BLTP1: variants seen among roughly 807,000 people sequenced by gnomAD.
The protein encoded by BLTP1 is bridge-like lipid transfer protein family member 1, also known as fragile site-associated protein.
At chr4:122,328,225 C>T in the BLTP1 span, 1 of 1,611,374 alleles carries the variant, frequency 6.2e-7, no homozygotes, top group Non-Finnish European at 8.5e-7. Context: ...GGAGGCTTTT[C>T]ACCAGGCATT....
At chr4:122,249,820 C>T in the BLTP1 span, 1 of 1,417,508 alleles carries the variant, frequency 7.1e-7, no homozygotes, top group African/African-American at 1.4e-5. Flanking sequence ...GGATTATTTA[C>T]CGGGGGTGAG....
the BLTP1 span, chr4:122,298,580 C>T: frequency 1.2e-6 from 1 of 832,548 alleles, no homozygotes; most frequent in Non-Finnish European, 1.4e-6. Context: ...ACTTTAAAAA[C>T]ATATGACCCC....
At chr4:122,251,916 C>T in the BLTP1 span, among the ~76,000 whole-genome samples, 1 of 152,192 alleles carries the variant, frequency 6.6e-6, no homozygotes, top group African/African-American at 2.4e-5. Flanking sequence ...ACACCTTTAG[C>T]ACCAGCTCTT....
the BLTP1 span, among the ~76,000 whole-genome samples, chr4:122,173,911 A>T: frequency 6.6e-6 from 1 of 152,186 alleles, no homozygotes. Context: ...TTCATGTTCA[A>T]TGTAGTTTTG....
the BLTP1 span, chr4:122,224,641 G>C: frequency 6.2e-7 from 1 of 1,613,928 alleles, no homozygotes; most frequent in Non-Finnish European, 8.5e-7. Flanking sequence ...TTGATGTGCA[G>C]GCTGGAAGTC....
the BLTP1 span, among the ~76,000 whole-genome samples, chr4:122,287,035 T>C: frequency 6.6e-6 from 1 of 152,198 alleles, no homozygotes; most frequent in African/African-American, 2.4e-5. Flanking sequence ...GTATTCCATC[T>C]CTGCAATATT....
At chr4:122,319,464 G>A in the BLTP1 span, among the ~76,000 whole-genome samples, 32,808 of 149,322 alleles carry the variant, frequency 0.22, 3,841 homozygotes, top group African/African-American at 0.29. Context: ...TTCAACTCAT[G>A]TTCAGGTATC....
the BLTP1 span, chr4:122,268,990 A>C: frequency 3.0e-6 from 1 of 336,554 alleles, no homozygotes; most frequent in Non-Finnish European, 4.2e-6. Flanking sequence ...GTATCGCCTT[A>C]TTGGGAGACT....
the BLTP1 span, chr4:122,351,167 G>A: frequency 2.3e-6 from 1 of 425,998 alleles, no homozygotes; most frequent in African/African-American, 2.2e-5. Flanking sequence ...GATGATAGAG[G>A]TGTAAGTGGT....
At chr4:122,253,246 C>T in the BLTP1 span, among the ~76,000 whole-genome samples, 1 of 152,120 alleles carries the variant, frequency 6.6e-6, no homozygotes, top group Non-Finnish European at 1.5e-5. Flanking sequence ...AATGCCCAGA[C>T]ATTGATGAAC....
At chr4:122,255,167 A>T in the BLTP1 span, 1 of 1,606,156 alleles carries the variant, frequency 6.2e-7, no homozygotes, top group Non-Finnish European at 8.5e-7. Flanking sequence ...AAGTAAATAC[A>T]ACAGGCTTAC....
chr4:122,347,240 A>G, the BLTP1 span: 5 of 984,230 alleles, frequency 5.1e-6, no homozygotes, highest in Non-Finnish European at 4.8e-6. Context: ...AATGAAAACT[A>G]GAGTCAGTTA....
chr4:122,290,011 T>C, the BLTP1 span: 1 of 154,646 alleles, frequency 6.5e-6, no homozygotes, highest in East Asian at 1.9e-4. Flanking sequence ...AAAGGAGAGG[T>C]AGAGAGGACG....
At chr4:122,238,434 C>T in the BLTP1 span, 1 of 1,041,232 alleles carries the variant, frequency 9.6e-7, no homozygotes, top group South Asian at 1.5e-5. Flanking sequence ...CTTCTTCCCT[C>T]TCCACTCCCC....
the BLTP1 span, chr4:122,223,135 T>C: frequency 1.0e-6 from 1 of 966,126 alleles, no homozygotes; most frequent in Non-Finnish European, 1.2e-6. Flanking sequence ...ACAGCTTGGA[T>C]GAAAATAAAA....
At chr4:122,190,082 ATTG>A in the BLTP1 span, 120 of 1,609,590 alleles carry the variant, frequency 7.5e-5, no homozygotes, top group South Asian at 2.3e-4. Flanking sequence ...TGAGCCAGGT[ATTG>A]TTGTTGTTGT....
At chr4:122,247,395 T>C in the BLTP1 span, 1 of 1,606,910 alleles carries the variant, frequency 6.2e-7, no homozygotes, top group Non-Finnish European at 8.5e-7. Context: ...TCTTGGCATA[T>C]ATAAATGTAA....
chr4:122,321,627 T>C, the BLTP1 span, among the ~76,000 whole-genome samples: 1 of 152,070 alleles, frequency 6.6e-6, no homozygotes, highest in Non-Finnish European at 1.5e-5. Context: ...GTTAGGTCGA[T>C]TATGAATAAG....
At chr4:122,163,452 T>C in the BLTP1 span, among the ~76,000 whole-genome samples, 17 of 152,202 alleles carry the variant, frequency 1.1e-4, no homozygotes, top group African/African-American at 3.9e-4. Context: ...AAGCTGAGTG[T>C]GTCCTTGCAG....
Sources: gnomAD v4.1 joint callset for allele counts (sites outside exome capture counted in the v4.1 genomes callset) on GRCh38, gnomAD v4.1.1 for gene constraint, MANE v1.5 for transcripts, NCBI Gene and HGNC (gene_info 2026-07-23, HGNC 2026-07-21) for gene names.